Variants in RAPGEF6 observed in about 807,000 individuals in gnomAD.
The protein encoded by RAPGEF6 is PDZ domain containing guanine nucleotide exchange factor (GEF) 2.
In RAPGEF6, 56 loss-of-function variants were observed where a neutral mutation model predicts 171.4. The observed-to-expected ratio is 0.33, with a 90% CI of 0.26 to 0.41. The LOEUF is 0.41. Among genes scored for constraint, RAPGEF6 ranks in the 10% least tolerant of loss-of-function variants. The pLI, the probability that RAPGEF6 is intolerant of heterozygous loss-of-function variation, is 1.00. For synonymous variants in RAPGEF6, 692 were observed against 650.1 expected (o/e 1.06, Z -0.98); for missense variants, 1,674 against 1,921.4 (o/e 0.87, Z 2.41).
At chr5:131,563,203 A>G (rs1387795284) in intron 4 of RAPGEF6, among the ~76,000 whole-genome samples, 1 of 152,160 alleles carries the variant, frequency 6.6e-6, no homozygotes, top group Non-Finnish European at 1.5e-5. Context: ...CAGTTAGTAA[A>G]TAAAACATAT....
chr5:131,544,060 G>A (rs1183947931), intron 6 of RAPGEF6, among the ~76,000 whole-genome samples: 1 of 152,092 alleles, frequency 6.6e-6, no homozygotes, highest in Non-Finnish European at 1.5e-5. Flanking sequence ...AATACCAAGT[G>A]TTGGTGAGGA....
At chr5:131,468,366 C>G (rs981105918) in intron 17 of RAPGEF6, among the ~76,000 whole-genome samples, 1 of 148,272 alleles carries the variant, frequency 6.7e-6, no homozygotes, top group African/African-American at 2.5e-5. Flanking sequence ...CTTGGAGGAT[C>G]AAGGTTTGTA....
chr5:131,448,245 A>G (rs1476024065), intron 21 of RAPGEF6, among the ~76,000 whole-genome samples: 1 of 152,228 alleles, frequency 6.6e-6, no homozygotes, highest in Non-Finnish European at 1.5e-5. Context: ...AAAACGTTTC[A>G]GAAGATTCAT....
intron 15 of RAPGEF6, among the ~76,000 whole-genome samples, chr5:131,481,418 G>A (rs1416259987): frequency 1.3e-5 from 2 of 151,160 alleles, no homozygotes; most frequent in East Asian, 3.9e-4. Context: ...TTGTAGAGAT[G>A]GGGTTTCGAC....
At chr5:131,608,214 T>C (rs930202874) in intron 1 of RAPGEF6, among the ~76,000 whole-genome samples, 1 of 152,208 alleles carries the variant, frequency 6.6e-6, no homozygotes, top group Non-Finnish European at 1.5e-5. Context: ...AGAAAAATCA[T>C]CTGGGCCACA....
intron 22 of RAPGEF6, 102 bp downstream of exon 22, chr5:131,446,381 G>C: frequency 2.7e-6 from 3 of 1,103,904 alleles, no homozygotes; most frequent in Non-Finnish European, 3.9e-6. Flanking sequence ...AATCTTTTGT[G>C]AGTGAAAGTT....
intron 4 of RAPGEF6, among the ~76,000 whole-genome samples, chr5:131,577,240 C>A (rs1434879319): frequency 6.6e-6 from 1 of 152,200 alleles, no homozygotes; most frequent in Non-Finnish European, 1.5e-5. Flanking sequence ...AGGCCTTCGG[C>A]ATCCAGTGGA....
intron 15 of RAPGEF6, among the ~76,000 whole-genome samples, chr5:131,486,904 A>G (rs944689570): frequency 6.6e-6 from 1 of 152,096 alleles, no homozygotes; most frequent in Non-Finnish European, 1.5e-5. Flanking sequence ...TCCAGAATCT[A>G]TAAGATCACT....
At position 131,548,038 on chromosome 5, in the gene RAPGEF6, T is replaced by A. The variant is rs373159741; in HGVS notation, c.495+9A>T. ...GGAAGATTCATGAAGTGTTCCTAAA[T>A]ATACTCACAGAAAGATAGCTGTTAA... On this transcript the variant is annotated intron_variant, in intron 6 of 27. Transcript: ENST00000509018. 4.8e-5 allele frequency: 78 copies of A among 1,612,704 alleles called. No homozygotes were observed. In the African/African-American group the frequency reaches 1.0e-3, roughly 21 times the overall value.
intron 16 of RAPGEF6, among the ~76,000 whole-genome samples, chr5:131,477,774 A>G (rs1460692308): frequency 1.3e-5 from 2 of 152,182 alleles, no homozygotes; most frequent in Non-Finnish European, 2.9e-5. Context: ...AATGAGACGC[A>G]GTTAATGGAA....
At chr5:131,498,664 G>C in intron 11 of RAPGEF6, 57 bp from the exon 12 acceptor site, 1 of 1,503,002 alleles carries the variant, frequency 6.7e-7, no homozygotes, top group Non-Finnish European at 9.2e-7. Context: ...AAGAACCAAA[G>C]AACTATTGTT....
intron 1 of RAPGEF6, among the ~76,000 whole-genome samples, chr5:131,611,504 T>C (rs1561605586): frequency 6.6e-6 from 1 of 152,124 alleles, no homozygotes; most frequent in African/African-American, 2.4e-5. Context: ...AAACCCCGTC[T>C]CTACTAAAAA....
At chr5:131,623,733 C>T (rs1303238964) in intron 1 of RAPGEF6, among the ~76,000 whole-genome samples, 3 of 152,152 alleles carry the variant, frequency 2.0e-5, no homozygotes, top group Non-Finnish European at 4.4e-5. Flanking sequence ...GATCTGCCCG[C>T]CTCGGCCTCC....
intron 4 of RAPGEF6, among the ~76,000 whole-genome samples, chr5:131,570,040 TC>T (rs1333858547): frequency 2.3e-4 from 2 of 8,750 alleles, no homozygotes; most frequent in African/African-American, 5.8e-4. Context: ...AGACTCTGTC[TC>T]AAAAAAAAAA....
chr5:131,483,462 TA>T (rs1203974855), intron 15 of RAPGEF6, among the ~76,000 whole-genome samples: 3 of 150,964 alleles, frequency 2.0e-5, no homozygotes, highest in Non-Finnish European at 4.4e-5. Context: ...TGCGTTAAAT[TA>T]AAAAAAATAG....
At chr5:131,501,942 A>G (rs959639817) in intron 11 of RAPGEF6, among the ~76,000 whole-genome samples, 7 of 152,210 alleles carry the variant, frequency 4.6e-5, no homozygotes, top group Non-Finnish European at 1.0e-4. Flanking sequence ...AAAAGCAATG[A>G]CACTTCAGTA....
At chr5:131,479,410 G>A (rs1755319469) in intron 16 of RAPGEF6, 103 bp downstream of exon 16, 1 of 1,232,860 alleles carries the variant, frequency 8.1e-7, no homozygotes, top group South Asian at 1.4e-5. Flanking sequence ...TGATACATTA[G>A]TTATATAACA....
At chr5:131,469,656 C>A (rs1754610173) in intron 17 of RAPGEF6, 1 of 521,824 alleles carries the variant, frequency 1.9e-6, no homozygotes, top group African/African-American at 1.9e-5. Flanking sequence ...AAGACACATG[C>A]CAGTTAATAC....
In RAPGEF6 at chr5:131,431,395, T is replaced by C; in HGVS notation, c.3975-46A>G. 3 of 1,534,096 alleles carry C rather than the reference T, an allele frequency of 2.0e-6. No homozygotes were observed. In the East Asian group the frequency reaches 6.8e-5, roughly 35 times the overall value. On this transcript the variant is annotated intron_variant, in intron 25 of 27. Coordinates refer to ENST00000509018, the MANE Select transcript of RAPGEF6 (RefSeq NM_016340.6). The stretch of plus-strand genomic sequence containing the variant: ...CAATTAGAAGGCTTGCCAGAAAAAC[T>C]ATCTTCTCTCTGTTTCAAGTTATTA...
Sources: gnomAD v4.1 joint callset for allele counts (sites outside exome capture counted in the v4.1 genomes callset) on GRCh38, gnomAD v4.1.1 for gene constraint, MANE v1.5 for transcripts, NCBI Gene and HGNC (gene_info 2026-07-23, HGNC 2026-07-21) for gene names.